TENM2: variants seen among roughly 807,000 people sequenced by gnomAD.
The protein encoded by TENM2 is teneurin-2.
TENM2 carries 52 observed loss-of-function variants against 245.2 expected under a neutral mutation model. The ratio of observed to expected loss-of-function variants is 0.21; its 90% CI spans 0.17 to 0.27. The LOEUF (loss-of-function observed/expected upper bound fraction) is 0.27. TENM2 is among the 10% of genes least tolerant of loss of function. The probability of loss-of-function intolerance (pLI) is 1.00; values close to 1 mark genes in which losing one functional copy is unlikely to be tolerated. For synonymous variants in TENM2, 1,363 were observed against 1,438.9 expected (o/e 0.95, Z 1.19); for missense variants, 3,046 against 3,666.8 (o/e 0.83, Z 4.37).
At chr5:167,452,931 T>TATATATATATATATATATA (rs1554157698) in intron 2 of TENM2, among the ~76,000 whole-genome samples, 3 of 4,872 alleles carry the variant, frequency 6.2e-4, no homozygotes, top group Non-Finnish European at 7.0e-4. Context: ...AAAGTATGAT[T>TATATATATATATATATATA]TATATATATA....
At chr5:167,274,506 T>C in the TENM2 span, among the ~76,000 whole-genome samples, 1 of 152,158 alleles carries the variant, frequency 6.6e-6, no homozygotes, top group Non-Finnish European at 1.5e-5. Flanking sequence ...TTTTCATTTC[T>C]CTGTGATCAA....
chr5:167,592,428 G>A (rs1775941664), intron 2 of TENM2, among the ~76,000 whole-genome samples: 2 of 152,022 alleles, frequency 1.3e-5, no homozygotes, highest in South Asian at 4.2e-4. Flanking sequence ...TCCATTTGTG[G>A]GCCTTCTAAA....
At chr5:167,064,741 G>T in the TENM2 span, among the ~76,000 whole-genome samples, 3 of 152,236 alleles carry the variant, frequency 2.0e-5, no homozygotes, top group African/African-American at 7.2e-5. Context: ...AAAATTAAAG[G>T]ATTTGTTTTG....
In TENM2 at chr5:167,982,816, C is replaced by A. The variant is rs73801477; in HGVS notation, c.948-10128C>A. Among the ~76,000 whole-genome samples the A allele has an allele frequency of 4.8e-3, 732 of 152,246 alleles. 2 individuals are homozygous for A. The highest frequency in any genetic ancestry group is 0.016 in the African/African-American group (678 of 41,558). ...TGACTTTGTAATTTGACTTAAGAAA[C>A]AAGACAAAAACAAATGTAATCACAT... On this transcript the variant is annotated intron_variant, in intron 4 of 28. Transcript: ENST00000518659.
chr5:167,561,629 G>A (rs967448759), intron 2 of TENM2, among the ~76,000 whole-genome samples: 6 of 152,144 alleles, frequency 3.9e-5, no homozygotes, highest in Non-Finnish European at 7.4e-5. Context: ...CTCCCAAGAA[G>A]GTATTAATTT....
intron 2 of TENM2, among the ~76,000 whole-genome samples, chr5:167,415,137 G>T (rs1382116940): frequency 6.6e-6 from 1 of 152,030 alleles, no homozygotes; most frequent in Non-Finnish European, 1.5e-5. Context: ...AAATCTAGGT[G>T]CAAAGTTGGC....
At chr5:167,870,872 C>A (rs1039233432) in intron 2 of TENM2, among the ~76,000 whole-genome samples, 1 of 151,916 alleles carries the variant, frequency 6.6e-6, no homozygotes, top group African/African-American at 2.4e-5. Context: ...ATTGCCTACA[C>A]AGAACATTCT....
intron 2 of TENM2, among the ~76,000 whole-genome samples, chr5:167,541,251 C>A (rs1478258633): frequency 2.0e-5 from 3 of 152,052 alleles, no homozygotes; most frequent in African/African-American, 7.2e-5. Context: ...TTTTTTCACT[C>A]GTAAAAATCT....
At chr5:167,759,235 A>G (rs1007795655) in intron 2 of TENM2, among the ~76,000 whole-genome samples, 1 of 151,508 alleles carries the variant, frequency 6.6e-6, no homozygotes, top group African/African-American at 2.4e-5. Flanking sequence ...GTGTCTCAGT[A>G]TCCTCTTTCA....
chr5:167,594,343 T>C (rs1022269242), intron 2 of TENM2, among the ~76,000 whole-genome samples: 1 of 152,194 alleles, frequency 6.6e-6, no homozygotes, highest in Non-Finnish European at 1.5e-5. Flanking sequence ...AAGCACATGG[T>C]ATTTTATTTT....
At chr5:167,479,059 T>C (rs189597387) in intron 2 of TENM2, among the ~76,000 whole-genome samples, 10 of 152,174 alleles carry the variant, frequency 6.6e-5, no homozygotes, top group Non-Finnish European at 1.3e-4. Flanking sequence ...GACAGTGATA[T>C]CAGTTTGGAA....
intron 13 of TENM2, among the ~76,000 whole-genome samples, chr5:168,189,691 G>A (rs1450061149): frequency 1.3e-5 from 2 of 152,204 alleles, no homozygotes; most frequent in Non-Finnish European, 2.9e-5. Flanking sequence ...TCCTGGCTTA[G>A]AGAGAGTGGG....
chr5:167,580,930 A>G (rs1775047559), intron 2 of TENM2, among the ~76,000 whole-genome samples: 1 of 152,236 alleles, frequency 6.6e-6, no homozygotes. Context: ...CGGACGTTGT[A>G]GTGAGCGGAG....
At chr5:167,687,408 G>T (rs1476015843) in intron 2 of TENM2, among the ~76,000 whole-genome samples, 2 of 152,132 alleles carry the variant, frequency 1.3e-5, no homozygotes, top group African/African-American at 4.8e-5. Context: ...TCATCATCAA[G>T]TAGAGAAAGG....
the TENM2 span, among the ~76,000 whole-genome samples, chr5:167,186,506 T>C: frequency 2.0e-5 from 3 of 152,154 alleles, no homozygotes; most frequent in African/African-American, 7.2e-5. Context: ...CAAATGAAAC[T>C]GTGAAAATGG....
At chr5:167,772,081 T>C (rs546432093) in intron 2 of TENM2, among the ~76,000 whole-genome samples, 1 of 152,286 alleles carries the variant, frequency 6.6e-6, no homozygotes, top group African/African-American at 2.4e-5. Flanking sequence ...GAAATGAAAG[T>C]GGCATTTCAG....
the TENM2 span, among the ~76,000 whole-genome samples, chr5:166,979,514 C>T: frequency 3.3e-5 from 5 of 152,030 alleles, no homozygotes; most frequent in Admixed American, 6.6e-5. Flanking sequence ...AGCTACTGAC[C>T]GAGCTGCTGG....
intron 2 of TENM2, among the ~76,000 whole-genome samples, chr5:167,834,853 T>C (rs1369116711): frequency 6.6e-6 from 1 of 152,090 alleles, no homozygotes; most frequent in Non-Finnish European, 1.5e-5. Context: ...GGTTTCACCG[T>C]GTTAGCCAGG....
At chr5:167,932,715 A>T (rs1778379787) in intron 3 of TENM2, among the ~76,000 whole-genome samples, 2 of 152,108 alleles carry the variant, frequency 1.3e-5, no homozygotes, top group African/African-American at 4.8e-5. Flanking sequence ...CCAGATAGAA[A>T]ATATTTCAGG....
Sources: allele counts gnomAD v4.1 joint callset (sites outside exome capture counted in the v4.1 genomes callset), GRCh38; gene constraint gnomAD v4.1.1; transcripts MANE v1.5; gene names NCBI Gene and HGNC (gene_info 2026-07-23, HGNC 2026-07-21).